Variants in EVC2 observed in about 807,000 individuals in gnomAD.
EVC2 encodes EvC ciliary complex subunit 2.
EVC2 carries 148 observed loss-of-function variants against 149.3 expected under a neutral mutation model. That is an observed-to-expected ratio of 0.99 (90% confidence interval 0.87 to 1.14). The LOEUF (loss-of-function observed/expected upper bound fraction) is 1.14. Among genes scored for constraint, EVC2 ranks in the 50% most tolerant of loss-of-function variants. The pLI, the probability that EVC2 is intolerant of heterozygous loss-of-function variation, is 0.00. For missense variants in EVC2, 1,854 were observed against 1,627.3 expected (o/e 1.14, Z -2.40); for synonymous variants, 776 against 649.9 (o/e 1.19, Z -2.95).
chr4:5,576,671 C>A lies in EVC2; in HGVS notation c.3058-217G>T, dbSNP rs1375335831. Among the ~76,000 whole-genome samples, 1 of 152,210 alleles carries A rather than the reference C, an allele frequency of 6.6e-6. No individual in the cohort carries two copies. The highest frequency in any genetic ancestry group is 1.5e-5 in the Non-Finnish European group (1 of 68,038). On this transcript the variant is annotated intron_variant, in intron 17 of 21. Transcript: ENST00000344408. This position sits in a 1 kb window ranked among gnomAD's most constrained non-coding sequence, Gnocchi z 4.5. ...CCACATAGGCCGTTCCCTCCACCTG[C>A]AGTGCCTTTCTCTGTCTGCCTGACC...
chr4:5,660,150 G>T (rs1166255493), intron 9 of EVC2, among the ~76,000 whole-genome samples: 1 of 152,198 alleles, frequency 6.6e-6, no homozygotes, highest in Non-Finnish European at 1.5e-5. Flanking sequence ...AAGTGAAAAT[G>T]AAGAATGGCA....
intron 16 of EVC2, among the ~76,000 whole-genome samples, chr4:5,609,386 A>C (rs1406186610): frequency 6.6e-6 from 1 of 152,230 alleles, no homozygotes; most frequent in African/African-American, 2.4e-5. Context: ...AAGTGCTAAG[A>C]GATGTAATCG....
intron 11 of EVC2, among the ~76,000 whole-genome samples, chr4:5,629,173 C>G (rs938609009): frequency 3.3e-5 from 5 of 152,096 alleles, no homozygotes; most frequent in Admixed American, 1.3e-4. Flanking sequence ...AGGATGGGCA[C>G]AAAGAAAGCA....
In EVC2 at chr4:5,708,332, C is replaced by T; in HGVS notation, c.182G>A (p.Arg61Lys). ...CGCCCCGCTCCGCCCCGGAGGGATC[C>T]TCAGGCCGGGCCCAGACCTAGGAGC... ...QVAPRSGPGL[R>K]IPPGRSGAGP... is the part of the protein sequence containing the mutation. Residue 61 changes from arginine to lysine, a missense_variant, in exon 1 of 22, where the codon AGG becomes AAG. Arg to Lys is a conservative substitution (Grantham distance 26). Transcript: ENST00000344408. The T allele has an allele frequency of 1.4e-6, 2 of 1,472,006 alleles. No individual in the cohort carries two copies. The highest frequency in any genetic ancestry group is 1.8e-6 in the Non-Finnish European group (2 of 1,117,632). 91.2% of individuals were successfully genotyped at this position (1,472,006 alleles called of 1,614,324 possible).
rs1051317208 is a variant in EVC2, at chr4:5,596,161, A to G, written c.2830-11311T>C. ...CACTGTCAACATTAGACATATCAAC[A>G]AGACAGAAAGTTAACAAGGATACCC... On this transcript the variant is annotated intron_variant, in intron 16 of 21. Transcript: ENST00000344408. Among the ~76,000 whole-genome samples, 92 of 152,188 alleles carry G rather than the reference A, an allele frequency of 6.0e-4. 1 individual carries two copies. Among genetic ancestry groups the G allele is most frequent in the African/African-American group, 1.8e-3 (75 of 41,528 alleles).
intron 16 of EVC2, among the ~76,000 whole-genome samples, chr4:5,597,327 A>G (rs928059019): frequency 6.6e-6 from 1 of 152,134 alleles, no homozygotes; most frequent in African/African-American, 2.4e-5. Flanking sequence ...AGTAAAATAC[A>G]GGCAAACCAA....
intron 18 of EVC2, among the ~76,000 whole-genome samples, chr4:5,575,517 C>T (rs1722873789): frequency 1.3e-5 from 2 of 152,190 alleles, no homozygotes; most frequent in South Asian, 4.1e-4. Context: ...TGAAAATCAT[C>T]TGTAATTTCA....
rs1715755662 is a variant in EVC2, at chr4:5,622,403, CTAAT to C, written c.2501+130_2501+133del. The C allele has an allele frequency of 2.9e-6, 3 of 1,049,130 alleles. No homozygotes were observed. In the Admixed American group the frequency reaches 6.1e-5, roughly 21 times the overall value. The allele number at this position is 1,049,130 out of a possible 1,614,324, so 65.0% of individuals were successfully genotyped here. A position where few individuals can be genotyped will look rare whatever the true frequency, so the allele number is the denominator to read the frequency against. The stretch of plus-strand genomic sequence containing the variant: ...CCCCCGGGGCGTTGAGTTTATATGA[CTAAT>C]TAACGCTGGTAATCTCATCTGTCTG... On this transcript the variant is annotated intron_variant, in intron 14 of 21. Transcript: ENST00000344408. This position sits in a 1 kb window ranked among gnomAD's most constrained non-coding sequence, Gnocchi z 5.8.
At chr4:5,626,056 T>TG in intron 12 of EVC2, 148 bp from the exon 13 acceptor site, 1 of 943,056 alleles carries the variant, frequency 1.1e-6, no homozygotes, top group South Asian at 1.5e-5. Context: ...AATGGGCAGC[T>TG]AAGATATTAC....
At chr4:5,660,822 G>A (rs1164842389) in intron 9 of EVC2, among the ~76,000 whole-genome samples, 1 of 152,170 alleles carries the variant, frequency 6.6e-6, no homozygotes, top group East Asian at 1.9e-4. Flanking sequence ...AGCCTAAATA[G>A]TGAGGAAGCT....
Position 5,628,754 on chromosome 4 carries a change from A to T in EVC2, c.1711-20T>A. The T allele has an allele frequency of 6.7e-7, 1 of 1,484,632 alleles. No individual in the cohort carries two copies. The highest frequency in any genetic ancestry group is 9.4e-7 in the Non-Finnish European group (1 of 1,067,572). 92.0% of individuals were successfully genotyped at this position (1,484,632 alleles called of 1,614,324 possible). ...ATTCTCCTGTCAATTAAAAAAAAAA[A>T]CAAGAAAATATGCCTAATTAAAATT... On this transcript the variant is annotated intron_variant, in intron 11 of 21. Transcript: ENST00000344408.
intron 9 of EVC2, among the ~76,000 whole-genome samples, chr4:5,650,638 T>TATATATATATAGAG (rs1162935817): frequency 2.2e-5 from 1 of 45,100 alleles, no homozygotes; most frequent in Non-Finnish European, 4.0e-5. Flanking sequence ...TATATATATA[T>TATATATATATAGAG]AGAGAGAGAG....
upstream of EVC2, chr4:5,709,394 C>T (rs1722443174): frequency 6.6e-6 from 1 of 152,260 alleles, no homozygotes; most frequent in Admixed American, 6.5e-5. Context: ...GCCAGCCTTC[C>T]TGCGGGGCAG....
At chr4:5,597,406 G>A in intron 16 of EVC2, among the ~76,000 whole-genome samples, 1 of 152,212 alleles carries the variant, frequency 6.6e-6, no homozygotes, top group Middle Eastern at 3.4e-3. Flanking sequence ...TGGAAGGCTG[G>A]TTCAATATAT....
rs1021469941 is a variant in EVC2 at position 5,644,837 on chromosome 4, A to C, written c.1146-3999T>G. On this transcript the variant is annotated intron_variant, in intron 9 of 21. Coordinates refer to ENST00000344408, the MANE Select transcript of EVC2 (RefSeq NM_147127.5). Reference sequence around the variant, plus strand: ...GACATAATGACCACTAGGTCCATCCATGTTGCTTCAAATAATAGGAATTTG... The same window carrying C: ...GACATAATGACCACTAGGTCCATCCCTGTTGCTTCAAATAATAGGAATTTG... 9.2e-5 allele frequency among the ~76,000 whole-genome samples: 14 copies of C among 152,296 alleles called. No homozygotes were observed. The East Asian group carries it at 2.7e-3, about 29-fold the overall frequency.
At position 5,677,103 on chromosome 4, in the gene EVC2, G is replaced by A. The variant is rs561127457; in HGVS notation, c.870+4157C>T. On this transcript the variant is annotated intron_variant, in intron 7 of 21. Transcript: ENST00000344408. This position sits in a 1 kb window ranked among gnomAD's most constrained non-coding sequence, Gnocchi z 4.3. ...AAATAATAGTAATAATACTGCTGAC[G>A]ACAACAGCTGACATTTATGGAGCCC... Among the ~76,000 whole-genome samples, 3 of 152,106 alleles carry A rather than the reference G, an allele frequency of 2.0e-5. No individual in the cohort carries two copies. Among genetic ancestry groups the A allele is most frequent in the Non-Finnish European group, 4.4e-5 (3 of 68,016 alleles).
downstream of EVC2, among the ~76,000 whole-genome samples, chr4:5,559,038 A>C (rs149857338): frequency 3.6e-3 from 541 of 151,892 alleles, 4 homozygotes; most frequent in African/African-American, 0.012. This position sits in a 1 kb window ranked among gnomAD's most constrained non-coding sequence, Gnocchi z 5.0. Context: ...GCAAAACCAA[A>C]CAAACAAACA....
At chr4:5,591,896 G>A (rs1027326729) in intron 16 of EVC2, among the ~76,000 whole-genome samples, 22 of 151,990 alleles carry the variant, frequency 1.4e-4, no homozygotes, top group Admixed American at 9.8e-4. Flanking sequence ...CTCTTTAAAC[G>A]AGAAGTTCAA....
chr4:5,634,522 GACAC>G (rs1189000017), intron 10 of EVC2, among the ~76,000 whole-genome samples: 1 of 152,162 alleles, frequency 6.6e-6, no homozygotes, highest in Non-Finnish European at 1.5e-5. Context: ...ATAAAAAGCA[GACAC>G]ACACACAAAT....
Sources: gnomAD v4.1 joint callset for allele counts (sites outside exome capture counted in the v4.1 genomes callset) on GRCh38, gnomAD v4.1.1 for gene constraint, Gnocchi (gnomAD v3.1) non-coding constraint, MANE v1.5 for transcripts, NCBI Gene and HGNC (gene_info 2026-07-23, HGNC 2026-07-21) for gene names.